The following RASGRP3 variants were observed in gnomAD, a reference collection of about 807,000 sequenced individuals.
RASGRP3 encodes ras guanyl-releasing protein 3.
In RASGRP3, 54 loss-of-function variants were observed where a neutral mutation model predicts 82.7. The ratio of observed to expected loss-of-function variants is 0.65; its 90% CI spans 0.52 to 0.82. RASGRP3 has a LOEUF of 0.82. RASGRP3 is among the 40% of genes least tolerant of loss of function. RASGRP3 has a pLI of 0.00. For missense variants in RASGRP3, 861 were observed against 828.9 expected (o/e 1.04, Z -0.48); for synonymous variants, 309 against 300.5 (o/e 1.03, Z -0.29).
intron 13 of RASGRP3, among the ~76,000 whole-genome samples, chr2:33,545,876 CT>C: frequency 6.6e-6 from 1 of 152,282 alleles, no homozygotes; most frequent in South Asian, 2.1e-4. Flanking sequence ...ACAATCTCGG[CT>C]TATTGCAACC....
At chr2:33,481,196 C>G (rs746674482) in intron 1 of RASGRP3, 1 of 152,712 alleles carries the variant, frequency 6.5e-6, no homozygotes, top group Non-Finnish European at 1.5e-5. Flanking sequence ...GAGTTTCACT[C>G]TGTCGCCCAG....
rs569863301 is a variant in RASGRP3 at position 33,521,946 on chromosome 2, C to T, written c.369-9C>T. On this transcript the variant is annotated splice_polypyrimidine_tract_variant and intron_variant, in intron 6 of 17. Transcript: ENST00000403687. ...CAACACATTGACCGGACTCACTCTTCTTTTATAGTCCTTCCTATGACTGGA... is the reference window on the plus strand; with the variant it reads ...CAACACATTGACCGGACTCACTCTTTTTTTATAGTCCTTCCTATGACTGGA... The T allele has an allele frequency of 4.4e-5, 71 of 1,602,524 alleles. 1 individual carries two copies. The South Asian group carries it at 7.6e-4, about 17-fold the overall frequency.
chr2:33,499,801 TAAAG>T (rs1049249677), intron 1 of RASGRP3, among the ~76,000 whole-genome samples: 2 of 149,786 alleles, frequency 1.3e-5, no homozygotes, highest in East Asian at 1.9e-4. Flanking sequence ...AGAAGAAAAT[TAAAG>T]AAGAAACCAA....
In RASGRP3 at chr2:33,559,021, G is replaced by T. The variant is rs200904355; in HGVS notation, c.2055G>T (p.Gln685His). 10 of 1,604,632 alleles carry T rather than the reference G, an allele frequency of 6.2e-6. No homozygotes were observed. In the East Asian group the frequency reaches 2.0e-4, roughly 32 times the overall value. ...AGGATGAAGGAGAAGAGACCAGACAGGATGGTGAGGTAAGTGCTAGGTCAA... is the reference window on the plus strand; with the variant it reads ...AGGATGAAGGAGAAGAGACCAGACATGATGGTGAGGTAAGTGCTAGGTCAA... ...LDQDEGEETR[Q>H]DGEDG is the part of the protein sequence containing the mutation. The change falls in exon 17 of 18, where the codon CAG becomes CAT. Residue 685 changes from glutamine (Q) to histidine (H), a missense_variant. By Grantham distance (24) the Gln-to-His change is conservative. Transcript: ENST00000403687.
At chr2:33,520,057 T>A in intron 5 of RASGRP3, 43 bp downstream of exon 5, 17 of 1,455,566 alleles carry the variant, frequency 1.2e-5, no homozygotes, top group Non-Finnish European at 1.5e-5. Context: ...TTTCTGGTTC[T>A]GGAATCGTGG....
At chr2:33,483,091 G>T (rs922091784) in intron 1 of RASGRP3, among the ~76,000 whole-genome samples, 1 of 151,952 alleles carries the variant, frequency 6.6e-6, no homozygotes, top group Admixed American at 6.5e-5. Flanking sequence ...CCTGGATTAT[G>T]GTCTATAGAA....
intron 17 of RASGRP3, chr2:33,559,763 C>G (rs1676447408): frequency 2.4e-6 from 1 of 409,782 alleles, no homozygotes; most frequent in South Asian, 1.8e-5. Context: ...TCGAATTGTT[C>G]TCATAAACAG....
intron 1 of RASGRP3, among the ~76,000 whole-genome samples, chr2:33,506,291 A>G (rs1453632441): frequency 6.6e-6 from 1 of 152,244 alleles, no homozygotes; most frequent in Non-Finnish European, 1.5e-5. Flanking sequence ...GCAGGCCTTA[A>G]CAACAGCTAA....
intron 13 of RASGRP3, among the ~76,000 whole-genome samples, chr2:33,549,248 G>A (rs1018105632): frequency 1.3e-5 from 2 of 152,094 alleles, no homozygotes; most frequent in African/African-American, 2.4e-5. Context: ...CCTAATTCTT[G>A]CAACCTTACA....
intron 3 of RASGRP3, among the ~76,000 whole-genome samples, chr2:33,516,306 G>T (rs556513067): frequency 1.3e-5 from 2 of 152,174 alleles, no homozygotes; most frequent in African/African-American, 4.8e-5. Context: ...TACTCAGGAG[G>T]CTGAAGCAGG....
At position 33,551,284 on chromosome 2, in the gene RASGRP3, G is replaced by T. The variant is rs148555910; in HGVS notation, c.1542+1533G>T. Among the ~76,000 whole-genome samples, 377 of 152,284 alleles carry T rather than the reference G, an allele frequency of 2.5e-3. 1 individual carries two copies. Among genetic ancestry groups the T allele is most frequent in the African/African-American group, 6.7e-3 (278 of 41,572 alleles). On this transcript the variant is annotated intron_variant, in intron 14 of 17. Transcript: ENST00000403687. Reference sequence around the variant, plus strand: ...GCCAAGATCATGCCACTGCACTCCAGCCTGGGTGACAGAGCGAGACTCAGT... The same window carrying T: ...GCCAAGATCATGCCACTGCACTCCATCCTGGGTGACAGAGCGAGACTCAGT...
chr2:33,500,031 G>A (rs892527360), intron 1 of RASGRP3, among the ~76,000 whole-genome samples: 1 of 152,168 alleles, frequency 6.6e-6, no homozygotes, highest in Admixed American at 6.5e-5. Context: ...GGGTGAGGAA[G>A]GAAGAGGAGA....
intron 7 of RASGRP3, among the ~76,000 whole-genome samples, chr2:33,523,164 C>G (rs1672189918): frequency 6.6e-6 from 1 of 152,028 alleles, no homozygotes; most frequent in Non-Finnish European, 1.5e-5. Flanking sequence ...TTGGAATCAC[C>G]AGCAGTGTGT....
intron 1 of RASGRP3, among the ~76,000 whole-genome samples, chr2:33,500,664 G>A (rs559705467): frequency 6.6e-5 from 10 of 152,184 alleles, no homozygotes; most frequent in South Asian, 2.1e-4. Context: ...AGGTGGGTGC[G>A]GTGGCCCACG....
chr2:33,445,194 C>T (rs1274451216), intron 1 of RASGRP3, among the ~76,000 whole-genome samples: 3 of 152,126 alleles, frequency 2.0e-5, no homozygotes, highest in South Asian at 2.1e-4. Flanking sequence ...GTGCTAAATA[C>T]GGAGATACAA....
At position 33,549,739 on chromosome 2, in the gene RASGRP3, C is replaced by A. The variant is rs553822665; in HGVS notation, c.1530C>A (p.His510Gln). 1 of 1,613,702 alleles carries A rather than the reference C, an allele frequency of 6.2e-7. No individual in the cohort carries two copies. Among genetic ancestry groups the A allele is most frequent in the South Asian group, 1.1e-5 (1 of 90,944 alleles). The change falls in exon 14 of 18, where the codon CAC (histidine) becomes CAA (glutamine). Residue 510 changes from histidine (H) to glutamine (Q), a missense_variant. Physicochemically the swap from His to Gln is conservative, Grantham distance 24 (BLOSUM62 0). Coordinates refer to ENST00000403687, the MANE Select transcript of RASGRP3 (RefSeq NM_001139488.2). ...ATCTCAAGCCAACCTTCTGCGAACA[C>A]TGTGCGGGATTTGTAAGTCTGTTTT... ...MTYLKPTFCE[H>Q]CAGFLWGIIK...
At chr2:33,455,453 T>C (rs1209345694) in intron 2 of RASGRP3, among the ~76,000 whole-genome samples, 1 of 152,218 alleles carries the variant, frequency 6.6e-6, no homozygotes, top group East Asian at 1.9e-4. Flanking sequence ...CACAAATTTG[T>C]AGATAACTGG....
intron 2 of RASGRP3, among the ~76,000 whole-genome samples, chr2:33,466,134 T>G (rs898264290): frequency 6.6e-6 from 1 of 152,210 alleles, no homozygotes; most frequent in Non-Finnish European, 1.5e-5. Flanking sequence ...ATTCCAACTT[T>G]CAAGTCTTAT....
chr2:33,474,199 A>C (rs983141885), upstream of RASGRP3, among the ~76,000 whole-genome samples: 6 of 152,094 alleles, frequency 3.9e-5, no homozygotes, highest in Non-Finnish European at 7.4e-5. Context: ...GCCCACCCAA[A>C]TCTCATGTTG....
Sources: gnomAD v4.1 joint callset for allele counts (sites outside exome capture counted in the v4.1 genomes callset) on GRCh38, gnomAD v4.1.1 for gene constraint, MANE v1.5 for transcripts, NCBI Gene and HGNC (gene_info 2026-07-23, HGNC 2026-07-21) for gene names.